The following MAN1C1 variants were observed in gnomAD, a reference collection of about 807,000 sequenced individuals.
The protein encoded by MAN1C1 is mannosyl-oligosaccharide 1,2-alpha-mannosidase IC.
MAN1C1 carries 49 observed loss-of-function variants against 71.5 expected under a neutral mutation model. The observed-to-expected ratio is 0.69, with a 90% CI of 0.54 to 0.87. The LOEUF (loss-of-function observed/expected upper bound fraction) is 0.87. MAN1C1 is among the 40% of genes least tolerant of loss of function. The pLI, the probability that MAN1C1 is intolerant of heterozygous loss-of-function variation, is 0.00. For synonymous variants in MAN1C1, 352 were observed against 343.7 expected, an observed-to-expected ratio of 1.02 and a Z score of -0.27; for missense variants, 743 against 835.0, an observed-to-expected ratio of 0.89 and a Z score of 1.36.
intron 1 of MAN1C1, among the ~76,000 whole-genome samples, chr1:25,669,111 G>T (rs960536765): frequency 6.6e-6 from 1 of 152,222 alleles, no homozygotes; most frequent in Non-Finnish European, 1.5e-5. Flanking sequence ...GTCATGGGCC[G>T]TGGGTTCATT....
chr1:25,695,921 A>G (rs1001130599), intron 2 of MAN1C1, among the ~76,000 whole-genome samples: 21 of 152,048 alleles, frequency 1.4e-4, no homozygotes, highest in African/African-American at 4.3e-4. Flanking sequence ...GTTGGTTACT[A>G]GGTTGATTTC....
chr1:25,754,892 T>C (rs1473555706), intron 5 of MAN1C1, among the ~76,000 whole-genome samples: 4 of 152,230 alleles, frequency 2.6e-5, no homozygotes, highest in African/African-American at 9.6e-5. Flanking sequence ...TGTACATTCA[T>C]GTATATTTCC....
At position 25,782,696 on chromosome 1, in the gene MAN1C1, C is replaced by T. The variant is rs764350746; in HGVS notation, c.1762C>T (p.Leu588=). ...KQQSFFLAET[L]KYLYLLFSED... is the part of the protein sequence containing the mutation. ...GCAGAGCTTCTTTCTAGCGGAGACA[C>T]TAAAGTGAGCAGTGTGGGCTCTTCC... is the stretch of plus-strand genomic sequence containing the variant. The change falls in exon 11 of 12, where the codon CTA becomes TTA. Residue 588 remains leucine (L), a synonymous_variant. Transcript: ENST00000374332. This position sits in a 1 kb window ranked among gnomAD's most constrained non-coding sequence, Gnocchi z 4.4. The T allele has an allele frequency of 6.8e-6, 11 of 1,612,286 alleles. No homozygotes were observed. The highest frequency in any genetic ancestry group is 3.3e-5 in the Admixed American group (2 of 60,022).
Position 25,771,660 on chromosome 1 carries a change from A to G in MAN1C1, c.1145A>G (p.His382Arg), listed in dbSNP as rs1235251694. The G allele has an allele frequency of 6.2e-7, 1 of 1,611,228 alleles. No homozygotes were observed. The highest frequency in any genetic ancestry group is 8.5e-7 in the Non-Finnish European group (1 of 1,177,372). The change falls in exon 8 of 12, where the codon CAT becomes CGT. Residue 382 changes from histidine to arginine, a missense_variant. His to Arg is a conservative substitution (Grantham distance 29, BLOSUM62 0). Coordinates refer to ENST00000374332, the MANE Select transcript of MAN1C1 (RefSeq NM_020379.4). ...CTTGTCCTCTTTCCCTTCACAGACC[A>G]TGTCTCAGTTGGAGGACTCGGGGAC... The part of the protein sequence containing the change: ...SPVSGNWVQH[H>R]VSVGGLGDSF...
At chr1:25,772,040 C>T (rs911140641) in intron 8 of MAN1C1, 16 of 411,066 alleles carry the variant, frequency 3.9e-5, no homozygotes, top group Admixed American at 8.4e-5. Flanking sequence ...CAAGGTCTCA[C>T]GGGAAGTGAC....
At chr1:25,626,979 T>G (rs992623544) in intron 1 of MAN1C1, among the ~76,000 whole-genome samples, 1 of 152,236 alleles carries the variant, frequency 6.6e-6, no homozygotes. Context: ...GTTATGAATA[T>G]TTTTTAATTC....
chr1:25,655,994 C>A (rs1440974234), intron 1 of MAN1C1, among the ~76,000 whole-genome samples: 1 of 151,510 alleles, frequency 6.6e-6, no homozygotes, highest in East Asian at 1.9e-4. Context: ...GAGTATAGGC[C>A]CTGGATTCAG....
At position 25,746,592 on chromosome 1, in the gene MAN1C1, G is replaced by A. The variant is rs1350328357; in HGVS notation, c.638-76G>A. 3.4e-6 allele frequency: 4 copies of A among 1,186,250 alleles called. No individual in the cohort carries two copies. Among genetic ancestry groups the A allele is most frequent in the Non-Finnish European group, 4.9e-6 (4 of 809,904 alleles). 73.5% of individuals were successfully genotyped at this position (1,186,250 alleles called of 1,614,324 possible). ...CCTGCGCTGGCATTGGAGGGGCCCT[G>A]AGAACGGTGGCTTGTCCAGTTGGGG... On this transcript the variant is annotated intron_variant, in intron 2 of 11. Coordinates refer to ENST00000374332, the MANE Select transcript of MAN1C1 (RefSeq NM_020379.4). The surrounding 1 kb of genome is among the most constrained non-coding windows in gnomAD (Gnocchi z 4.0).
At chr1:25,635,066 G>A (rs181391959) in intron 1 of MAN1C1, among the ~76,000 whole-genome samples, 1 of 151,840 alleles carries the variant, frequency 6.6e-6, no homozygotes, top group Admixed American at 6.6e-5. Flanking sequence ...GTGTCTCACT[G>A]TGTTGCCTAG....
intron 1 of MAN1C1, among the ~76,000 whole-genome samples, chr1:25,652,199 C>G (rs551337342): frequency 1.4e-4 from 21 of 152,242 alleles, no homozygotes; most frequent in Non-Finnish European, 2.8e-4. Context: ...TGCCGCATGT[C>G]AGGCCCTGAA....
At chr1:25,633,221 C>T (rs2045410121) in intron 1 of MAN1C1, among the ~76,000 whole-genome samples, 1 of 152,160 alleles carries the variant, frequency 6.6e-6, no homozygotes, top group African/African-American at 2.4e-5. Flanking sequence ...ATCATATGGT[C>T]TATCTTGGAG....
At chr1:25,772,693 A>G (rs555524747) in intron 8 of MAN1C1, among the ~76,000 whole-genome samples, 1 of 152,226 alleles carries the variant, frequency 6.6e-6, no homozygotes, top group Admixed American at 6.5e-5. Flanking sequence ...GAAGAGCTGG[A>G]CACGCACATC....
intron 4 of MAN1C1, among the ~76,000 whole-genome samples, chr1:25,752,322 C>A (rs1477030302): frequency 6.6e-6 from 1 of 152,142 alleles, no homozygotes; most frequent in African/African-American, 2.4e-5. Context: ...CCCCGCTCCT[C>A]CACCTGGCTA....
At chr1:25,780,089 TGG>T (rs2047672938) in intron 9 of MAN1C1, among the ~76,000 whole-genome samples, 1 of 152,196 alleles carries the variant, frequency 6.6e-6, no homozygotes, top group Admixed American at 6.5e-5. Flanking sequence ...TGTGTTACCT[TGG>T]GCAAATTACT....
In MAN1C1 at chr1:25,763,495, A is replaced by AAC; in HGVS notation, c.1048-378_1048-377insCA. 6 of 184,788 alleles carry AAC rather than the reference A, an allele frequency of 3.2e-5. No individual in the cohort carries two copies. In the South Asian group the frequency reaches 6.7e-4, roughly 21 times the overall value. 11.4% of individuals were successfully genotyped at this position (184,788 alleles called of 1,614,324 possible). A position where few individuals can be genotyped will look rare whatever the true frequency, so the allele number is the denominator to read the frequency against. ...CAGAGTGAGACTGTCTCAAAAAAAA[A>AAC]AAAAAAAAAAAAACCCTCCCCAAAA... On this transcript the variant is annotated intron_variant, in intron 6 of 11. Coordinates refer to ENST00000374332, the MANE Select transcript of MAN1C1 (RefSeq NM_020379.4).
chr1:25,617,977 G>T lies in MAN1C1; in HGVS notation c.180G>T (p.Gln60His). 4 of 1,607,766 alleles carry T rather than the reference G, an allele frequency of 2.5e-6. No homozygotes were observed. Among genetic ancestry groups the T allele is most frequent in the Non-Finnish European group, 3.4e-6 (4 of 1,177,856 alleles). Residue 60 changes from glutamine (Q) to histidine (H), a missense_variant, in exon 1 of 12, where the codon CAG becomes CAT. Transcript: ENST00000374332. The surrounding 1 kb of genome is among the most constrained non-coding windows in gnomAD (Gnocchi z 5.1). ...TCTTCCTGGCCCCCCGGACCCAGCAGCCTGGTCTGGAAGTGGTGGCTGAAA... is the reference window on the plus strand; with the variant it reads ...TCTTCCTGGCCCCCCGGACCCAGCATCCTGGTCTGGAAGTGGTGGCTGAAA... ...KRLFLAPRTQ[Q>H]PGLEVVAEIA...
rs2047133555 is a variant in MAN1C1 at position 25,746,703 on chromosome 1, G to A, written c.673G>A (p.Asp225Asn). Residue 225 changes from aspartate to asparagine, a missense_variant, in exon 3 of 12, where the codon GAT becomes AAT. Transcript: ENST00000374332. The surrounding 1 kb of genome is among the most constrained non-coding windows in gnomAD (Gnocchi z 4.0). ...CGGGGCAACAGTCATTGACTCCCTC[G>A]ATACCCTCTACCTCATGGAGCTGAA... ...LSGATVIDSL[D>N]TLYLMELKEE... 5.0e-6 allele frequency: 8 copies of A among 1,611,540 alleles called. No homozygotes were observed. The highest frequency in any genetic ancestry group is 6.8e-6 in the Non-Finnish European group (8 of 1,178,522).
chr1:25,712,640 G>A (rs886477431), intron 2 of MAN1C1, among the ~76,000 whole-genome samples: 1 of 152,152 alleles, frequency 6.6e-6, no homozygotes, highest in African/African-American at 2.4e-5. Flanking sequence ...ACAATCCAAG[G>A]CATGGAGGAC....
chr1:25,763,797 C>A (rs1037145568), intron 6 of MAN1C1, 77 bp from the exon 7 acceptor site: 1 of 1,190,530 alleles, frequency 8.4e-7, no homozygotes. Context: ...AACCAGCTGC[C>A]TCCCATCCTC....
Sources: allele counts gnomAD v4.1 joint callset (sites outside exome capture counted in the v4.1 genomes callset), GRCh38; gene constraint gnomAD v4.1.1; non-coding constraint Gnocchi (gnomAD v3.1); transcripts MANE v1.5; gene names NCBI Gene and HGNC (gene_info 2026-07-23, HGNC 2026-07-21).